Variants in DHX9 observed in about 807,000 individuals in gnomAD.
DHX9 encodes the protein ATP-dependent RNA helicase A.
A neutral mutation model predicts 148.7 loss-of-function variants in DHX9; 27 were observed. The observed-to-expected ratio is 0.18, with a 90% CI of 0.13 to 0.25. The LOEUF is 0.25. Ranked by LOEUF, DHX9 falls within the 10% of genes least tolerant of loss-of-function variation. DHX9 has a pLI of 1.00. For missense variants in DHX9, 796 were observed against 1,559.6 expected (o/e 0.51, Z 8.25); for synonymous variants, 529 against 516.6 (o/e 1.02, Z -0.33).
intron 26 of DHX9, among the ~76,000 whole-genome samples, chr1:182,884,199 G>T (rs1032495630): frequency 3.9e-5 from 6 of 152,050 alleles, no homozygotes; most frequent in Admixed American, 1.3e-4. Flanking sequence ...ACTTGAACCT[G>T]GGAGTTGGAG....
chr1:182,875,745 C>T (rs894914620), intron 16 of DHX9, among the ~76,000 whole-genome samples: 8 of 152,106 alleles, frequency 5.3e-5, no homozygotes, highest in Admixed American at 1.3e-4. Context: ...TTGGAAAATA[C>T]ATTATTTCAA....
At chr1:182,849,982 AC>A (rs11465005) in intron 3 of DHX9, among the ~76,000 whole-genome samples, 49,507 of 123,874 alleles carry the variant, frequency 0.4, 9,820 homozygotes, top group Non-Finnish European at 0.46. Flanking sequence ...GTACACACGT[AC>A]CCCCCCCCCT....
At chr1:182,876,962 C>A in intron 19 of DHX9, 59 bp downstream of exon 19, 1 of 1,258,008 alleles carries the variant, frequency 7.9e-7, no homozygotes, top group Non-Finnish European at 1.1e-6. Flanking sequence ...AACTTCTTAC[C>A]AGTTAACAGA....
intron 15 of DHX9, among the ~76,000 whole-genome samples, chr1:182,872,843 C>G (rs1282590891): frequency 6.6e-6 from 1 of 152,178 alleles, no homozygotes; most frequent in Non-Finnish European, 1.5e-5. Context: ...AAAGTTTAAG[C>G]AGCCAGGATC....
chr1:182,839,643 T>TTGCGCC (rs1355395304), intron 1 of DHX9, 187 bp downstream of exon 1: 1 of 152,190 alleles, frequency 6.6e-6, no homozygotes, highest in Non-Finnish European at 1.5e-5. Flanking sequence ...CGCGATGCGC[T>TTGCGCC]TGCGCCGTCC....
intron 12 of DHX9, among the ~76,000 whole-genome samples, chr1:182,864,980 T>G (rs7513997): frequency 0.06 from 9,079 of 152,192 alleles, 380 homozygotes; most frequent in African/African-American, 0.12. Context: ...CAAAGCAATC[T>G]CTGAGTACCA....
At chr1:182,868,844 A>G (rs1209718274) in intron 14 of DHX9, among the ~76,000 whole-genome samples, 1 of 152,114 alleles carries the variant, frequency 6.6e-6, no homozygotes, top group African/African-American at 2.4e-5. Flanking sequence ...AGTTTTGTCA[A>G]AACTAAGCTA....
rs1244605092 is a variant in DHX9 at position 182,887,532 on chromosome 1, G to A, written c.*98G>A. Reference sequence around the variant, plus strand: ...CAGTATGTTTATTTGCCACCAAAAAGTAAATGCATTTTCACCCATTCTGTG... The same window carrying A: ...CAGTATGTTTATTTGCCACCAAAAAATAAATGCATTTTCACCCATTCTGTG... On this transcript the variant is annotated 3_prime_UTR_variant, in exon 28 of 28. Coordinates refer to ENST00000367549, the MANE Select transcript of DHX9 (RefSeq NM_001357.5). The A allele has an allele frequency of 8.1e-6, 9 of 1,106,590 alleles. No homozygotes were observed. The highest frequency in any genetic ancestry group is 2.5e-5 in the East Asian group (1 of 39,686). 68.5% of individuals were successfully genotyped at this position (1,106,590 alleles called of 1,614,324 possible). A position where few individuals can be genotyped will look rare whatever the true frequency, so the allele number is the denominator to read the frequency against.
chr1:182,851,206 A>G (rs1338556251), intron 3 of DHX9, among the ~76,000 whole-genome samples: 1 of 152,238 alleles, frequency 6.6e-6, no homozygotes, highest in South Asian at 2.1e-4. Flanking sequence ...AAAATTCACA[A>G]TGTACTAATA....
In DHX9 at chr1:182,843,275, CTTT is replaced by C. The variant is rs367956446; in HGVS notation, c.112-7_112-5del. The C allele has an allele frequency of 5.5e-5, 70 of 1,262,048 alleles. No individual in the cohort carries two copies. Among genetic ancestry groups the C allele is most frequent in the South Asian group, 2.0e-4 (13 of 64,870 alleles). 78.2% of individuals were successfully genotyped at this position (1,262,048 alleles called of 1,614,324 possible). A position where few individuals can be genotyped will look rare whatever the true frequency, so the allele number is the denominator to read the frequency against. On this transcript the variant is annotated splice_polypyrimidine_tract_variant and intron_variant, in intron 2 of 27. Transcript: ENST00000367549. ...AATTACCCAGGTCAGTCTCTTAGTACTTTTTTTTTTTTTTAAAGGTTCAGGTGG... is the reference window on the plus strand; with the variant it reads ...AATTACCCAGGTCAGTCTCTTAGTACTTTTTTTTTTTAAAGGTTCAGGTGG...
intron 1 of DHX9, among the ~76,000 whole-genome samples, 169 bp from the exon 2 acceptor site, chr1:182,842,376 T>C (rs1571293115): frequency 6.6e-6 from 1 of 151,646 alleles, no homozygotes; most frequent in East Asian, 1.9e-4. Flanking sequence ...GTATCCTTTT[T>C]CTTACAACAT....
intron 4 of DHX9, among the ~76,000 whole-genome samples, 191 bp from the exon 5 acceptor site, chr1:182,853,115 C>T (rs1261946469): frequency 6.6e-6 from 1 of 151,634 alleles, no homozygotes; most frequent in South Asian, 2.1e-4. Flanking sequence ...TTAGTAGAGA[C>T]GGGGTTTCAC....
intron 5 of DHX9, 78 bp downstream of exon 5, chr1:182,853,496 A>AATCCTAAT: frequency 9.3e-7 from 1 of 1,069,524 alleles, no homozygotes; most frequent in Non-Finnish European, 1.4e-6. Context: ...GGATTAGGAT[A>AATCCTAAT]TTCACAAGTT....
chr1:182,850,176 A>G (rs1043472389), intron 3 of DHX9, among the ~76,000 whole-genome samples: 1 of 152,050 alleles, frequency 6.6e-6, no homozygotes, highest in South Asian at 2.1e-4. Flanking sequence ...AAGTATTCAT[A>G]CATAATACTA....
intron 20 of DHX9, 27 bp from the exon 21 acceptor site, chr1:182,879,222 TG>T: frequency 6.9e-7 from 1 of 1,440,852 alleles, no homozygotes; most frequent in Non-Finnish European, 9.3e-7. Flanking sequence ...ACAAGGAGGA[TG>T]GTTATTTTAT....
rs181201653 is a variant in DHX9 at position 182,846,879 on chromosome 1, G to C, written c.252+3445G>C. ...ATTTATAAAGACTTGATATCCCACA[G>C]GTCCCTGAGGCTCTCTTTTTTTTTT... On this transcript the variant is annotated intron_variant, in intron 3 of 27. Transcript: ENST00000367549. Among the ~76,000 whole-genome samples, 225 of 151,302 alleles carry C rather than the reference G, an allele frequency of 1.5e-3. 1 individual carries two copies. Among genetic ancestry groups the C allele is most frequent in the African/African-American group, 5.2e-3 (213 of 41,326 alleles).
chr1:182,854,578 T>G (rs1042348612), intron 6 of DHX9, among the ~76,000 whole-genome samples: 1 of 151,690 alleles, frequency 6.6e-6, no homozygotes, highest in African/African-American at 2.4e-5. Context: ...GGTTAGATAC[T>G]TAAGCTTTGA....
chr1:182,865,230 A>G (rs1648243438), intron 12 of DHX9, among the ~76,000 whole-genome samples: 2 of 152,246 alleles, frequency 1.3e-5, no homozygotes, highest in African/African-American at 4.8e-5. Context: ...TAACTCAAGT[A>G]TGTAGAATTC....
At chr1:182,876,426 T>C (rs371850616) in intron 17 of DHX9, 21 bp from the exon 18 acceptor site, 48 of 1,604,018 alleles carry the variant, frequency 3.0e-5, no homozygotes, top group Non-Finnish European at 3.9e-5. Context: ...TAGTCCCTGA[T>C]TGTTCTTTAT....
Sources: allele counts gnomAD v4.1 joint callset (sites outside exome capture counted in the v4.1 genomes callset), GRCh38; gene constraint gnomAD v4.1.1; transcripts MANE v1.5; gene names NCBI Gene and HGNC (gene_info 2026-07-23, HGNC 2026-07-21).